Variants in ABI3BP observed in about 807,000 individuals in gnomAD.
ABI3BP encodes the protein ABI family member 3 binding protein.
ABI3BP carries 216 observed loss-of-function variants against 268.6 expected under a neutral mutation model. That is an observed-to-expected ratio of 0.80 (90% CI 0.72 to 0.90). The LOEUF (loss-of-function observed/expected upper bound fraction) is 0.90, where lower values mean the gene tolerates loss of function less well. Among genes scored for constraint, ABI3BP ranks in the 40% least tolerant of loss-of-function variants. The probability of loss-of-function intolerance (pLI) is 0.00; values close to 1 mark genes in which losing one functional copy is unlikely to be tolerated. For missense variants in ABI3BP, 2,090 were observed against 2,182.4 expected (o/e 0.96, Z 0.84); for synonymous variants, 730 against 730.0 (o/e 1.00, Z 0.00).
intron 6 of ABI3BP, among the ~76,000 whole-genome samples, chr3:100,883,677 G>C (rs2040519119): frequency 6.6e-6 from 1 of 152,038 alleles, no homozygotes; most frequent in African/African-American, 2.4e-5. Flanking sequence ...ATACATTGCT[G>C]GCGAGTTTAT....
At chr3:100,923,572 A>G (rs2060919304) in intron 2 of ABI3BP, among the ~76,000 whole-genome samples, 1 of 152,166 alleles carries the variant, frequency 6.6e-6, no homozygotes, top group African/African-American at 2.4e-5. Context: ...CAACCAACAA[A>G]CACTGTCACT....
intron 2 of ABI3BP, among the ~76,000 whole-genome samples, chr3:100,909,330 A>C (rs2055122059): frequency 6.6e-6 from 1 of 152,250 alleles, no homozygotes; most frequent in Admixed American, 6.5e-5. Context: ...AGGCAATACC[A>C]TTCAGGACAT....
At chr3:100,971,194 C>T (rs1257243805) in intron 1 of ABI3BP, among the ~76,000 whole-genome samples, 3 of 152,032 alleles carry the variant, frequency 2.0e-5, no homozygotes, top group Non-Finnish European at 2.9e-5. Context: ...TTTTCCAGGA[C>T]CCAGTTGACA....
rs1353999496 is a variant in ABI3BP, at chr3:100,875,875, T to A, written c.746-296A>T. 2.0e-5 allele frequency among the ~76,000 whole-genome samples: 3 copies of A among 152,094 alleles called. No homozygotes were observed. In the South Asian group the frequency reaches 6.2e-4, roughly 32 times the overall value. On this transcript the variant is annotated intron_variant, in intron 7 of 67. Coordinates refer to ENST00000471714, the MANE Select transcript of ABI3BP (RefSeq NM_001375547.2). ...GAAGCTTTCCTTTTCCCCAAATCAA[T>A]CAGTACTAGCACAAAATGAGGTGAT...
Position 100,831,359 on chromosome 3 carries a change from T to G in ABI3BP, c.2402-725A>C, listed in dbSNP as rs751746996. Among the ~76,000 whole-genome samples, 7 of 152,006 alleles carry G rather than the reference T, an allele frequency of 4.6e-5. No homozygotes were observed. The East Asian group carries it at 1.4e-3, about 29-fold the overall frequency. On this transcript the variant is annotated intron_variant, in intron 31 of 67. Coordinates refer to ENST00000471714, the MANE Select transcript of ABI3BP (RefSeq NM_001375547.2). ...CCAGGAGCAGGGAATCACTGGGAGG[T>G]TGCCCTAGAGTTTGTGCACCACACA...
At chr3:100,873,849 C>T (rs150427951) in intron 9 of ABI3BP, among the ~76,000 whole-genome samples, 69 of 152,302 alleles carry the variant, frequency 4.5e-4, no homozygotes, top group African/African-American at 1.5e-3. Context: ...TAGGGTAATG[C>T]ATAGTATTTG....
intron 1 of ABI3BP, among the ~76,000 whole-genome samples, chr3:100,959,595 C>T (rs2078208667): frequency 6.7e-6 from 1 of 148,592 alleles, no homozygotes; most frequent in Non-Finnish European, 1.5e-5. Context: ...TAACAAGTAA[C>T]AGTAGTCTAC....
intron 5 of ABI3BP, among the ~76,000 whole-genome samples, 157 bp downstream of exon 5, chr3:100,885,985 A>G (rs186947939): frequency 1.4e-3 from 206 of 152,218 alleles, no homozygotes; most frequent in African/African-American, 4.2e-3. Context: ...TGAAATATCA[A>G]TGCTCAATAT....
At chr3:100,968,394 A>C (rs540594724) in intron 1 of ABI3BP, among the ~76,000 whole-genome samples, 2 of 152,352 alleles carry the variant, frequency 1.3e-5, no homozygotes, top group Non-Finnish European at 2.9e-5. Flanking sequence ...TAAGAAATGT[A>C]TACAGCTATA....
chr3:100,800,013 T>C (rs138350461), intron 51 of ABI3BP, among the ~76,000 whole-genome samples: 1 of 152,280 alleles, frequency 6.6e-6, no homozygotes, highest in African/African-American at 2.4e-5. Context: ...CATTATCTAC[T>C]AGTTGGCCAG....
chr3:100,893,400 C>A (rs1490101821), intron 4 of ABI3BP, among the ~76,000 whole-genome samples: 1 of 152,088 alleles, frequency 6.6e-6, no homozygotes, highest in Non-Finnish European at 1.5e-5. Flanking sequence ...GTATATACAT[C>A]TCTCCTATTA....
At chr3:100,985,299 G>A (rs1033044922) in intron 1 of ABI3BP, among the ~76,000 whole-genome samples, 3 of 151,744 alleles carry the variant, frequency 2.0e-5, no homozygotes, top group Non-Finnish European at 4.4e-5. Flanking sequence ...ATGGGCACGT[G>A]CCACCATGCC....
chr3:100,893,627 G>A (rs1247885304), intron 4 of ABI3BP, among the ~76,000 whole-genome samples: 3 of 152,040 alleles, frequency 2.0e-5, no homozygotes, highest in African/African-American at 7.2e-5. Flanking sequence ...GAGAAGGGAT[G>A]AGGACTGTGC....
In ABI3BP at chr3:100,904,349, C is replaced by G. The variant is rs148660557; in HGVS notation, c.260-1663G>C. Among the ~76,000 whole-genome samples, 647 of 152,182 alleles carry G rather than the reference C, an allele frequency of 4.3e-3. 4 individuals are homozygous for G. The highest frequency in any genetic ancestry group is 0.014 in the African/African-American group (600 of 41,506). ...CTTTTATCTTTGAACTTGTGTTTTG[C>G]AAGGGAAGTCTGATGGGACAATAGA... is the stretch of plus-strand genomic sequence containing the variant. On this transcript the variant is annotated intron_variant, in intron 2 of 67. Coordinates refer to ENST00000471714, the MANE Select transcript of ABI3BP (RefSeq NM_001375547.2).
At chr3:100,768,516 A>C (rs796292792) in intron 62 of ABI3BP, among the ~76,000 whole-genome samples, 4 of 152,340 alleles carry the variant, frequency 2.6e-5, no homozygotes, top group African/African-American at 9.6e-5. Context: ...TTTTGAATAT[A>C]CATTTGTCTT....
At chr3:100,846,623 G>A (rs1560753042) in intron 19 of ABI3BP, 177 bp from the exon 20 acceptor site, 9 of 456,256 alleles carry the variant, frequency 2.0e-5, no homozygotes, top group South Asian at 4.8e-5. Flanking sequence ...TCACAGAGAA[G>A]TAGTTAATTT....
chr3:100,865,193 T>C (rs1029311874), intron 10 of ABI3BP, among the ~76,000 whole-genome samples: 1 of 152,214 alleles, frequency 6.6e-6, no homozygotes, highest in Non-Finnish European at 1.5e-5. Flanking sequence ...CCTTTTTCTT[T>C]ATCACCAGGG....
chr3:100,816,643 G>A (rs998732046), intron 43 of ABI3BP, 45 bp downstream of exon 43: 21 of 1,442,014 alleles, frequency 1.5e-5, no homozygotes, highest in Non-Finnish European at 1.8e-5. Flanking sequence ...AGCCTGCCAG[G>A]GTTCAGGTTC....
chr3:100,956,762 A>C (rs952047722), intron 1 of ABI3BP, among the ~76,000 whole-genome samples: 6 of 152,188 alleles, frequency 3.9e-5, no homozygotes, highest in Admixed American at 3.9e-4. Flanking sequence ...CTTTAGAATA[A>C]AGCCCTGAAG....
Sources: allele counts gnomAD v4.1 joint callset (sites outside exome capture counted in the v4.1 genomes callset), GRCh38; gene constraint gnomAD v4.1.1; transcripts MANE v1.5; gene names NCBI Gene and HGNC (gene_info 2026-07-23, HGNC 2026-07-21).